RWDD1: variants seen among roughly 807,000 people sequenced by gnomAD.
The protein encoded by RWDD1 is RWD domain containing 1.
Under a neutral mutation model 31.6 loss-of-function variants are expected in RWDD1, and 17 were observed. The ratio of observed to expected loss-of-function variants is 0.54; its 90% CI spans 0.37 to 0.81. The LOEUF is 0.81. Ranked by LOEUF, RWDD1 falls within the 30% of genes least tolerant of loss-of-function variation. RWDD1 has a pLI of 0.00. For synonymous variants in RWDD1, 78 were observed against 94.2 expected (o/e 0.83, Z 0.99); for missense variants, 204 against 274.5 (o/e 0.74, Z 1.82).
chr6:116,592,871 C>T (rs1775169812), intron 6 of RWDD1, 109 bp from the exon 7 acceptor site: 1 of 1,209,422 alleles, frequency 8.3e-7, no homozygotes, highest in Middle Eastern at 2.8e-4. Flanking sequence ...ACTCCTACCT[C>T]ATATGCAGAT....
intron 1 of RWDD1, among the ~76,000 whole-genome samples, chr6:116,578,790 T>C (rs2115325982): frequency 6.6e-6 from 1 of 152,342 alleles, no homozygotes; most frequent in South Asian, 2.1e-4. Context: ...CTAACACTTT[T>C]CTAGTAATCA....
chr6:116,574,599 A>G (rs1351246971), intron 1 of RWDD1, among the ~76,000 whole-genome samples: 1 of 152,114 alleles, frequency 6.6e-6, no homozygotes, highest in Non-Finnish European at 1.5e-5. Context: ...TTTCACCACC[A>G]TCTGTCCCCT....
intron 4 of RWDD1, 50 bp downstream of exon 4, chr6:116,589,035 A>T: frequency 8.3e-7 from 1 of 1,198,404 alleles, no homozygotes; most frequent in Non-Finnish European, 1.0e-6. Context: ...ATCAGTTTTC[A>T]GTTGCTTGGT....
intron 2 of RWDD1, among the ~76,000 whole-genome samples, chr6:116,581,979 G>A (rs1357450816): frequency 6.6e-6 from 1 of 151,796 alleles, no homozygotes; most frequent in Non-Finnish European, 1.5e-5. Flanking sequence ...AGACTTGGAA[G>A]TATTCTCATG....
In RWDD1 at chr6:116,594,116, C is replaced by CT. The variant is rs1205097314; in HGVS notation, c.*1030dup. 3,919 of 137,038 alleles carry CT rather than the reference C, an allele frequency of 0.029. 65 individuals carry two copies. Among genetic ancestry groups the CT allele is most frequent in the Middle Eastern group, 0.11 (30 of 276 alleles). The allele number at this position is 137,038 out of a possible 1,614,324, so 8.5% of individuals were successfully genotyped here. A position where few individuals can be genotyped will look rare whatever the true frequency, so the allele number is the denominator to read the frequency against. ...AGAGAGTGAGGGTGGAAGTGCCAGG[C>CT]TTTTTTTTTTTTTTTAAACTAGCTT... On this transcript the variant is annotated 3_prime_UTR_variant, in exon 7 of 7. Coordinates refer to ENST00000466444, the MANE Select transcript of RWDD1 (RefSeq NM_015952.4).
chr6:116,592,058 C>G (rs1237401904), intron 6 of RWDD1, among the ~76,000 whole-genome samples: 1 of 152,230 alleles, frequency 6.6e-6, no homozygotes, highest in Non-Finnish European at 1.5e-5. Flanking sequence ...TCTATAGTCA[C>G]TCCCTATGAG....
At chr6:116,574,579 A>G (rs1256181013) in intron 1 of RWDD1, among the ~76,000 whole-genome samples, 1 of 152,082 alleles carries the variant, frequency 6.6e-6, no homozygotes, top group Non-Finnish European at 1.5e-5. Context: ...CAAATCTTTA[A>G]TTCTGTCACT....
At position 116,593,094 on chromosome 6, in the gene RWDD1, C is replaced by A; in HGVS notation, c.725C>A (p.Ala242Asp). 2 of 1,613,642 alleles carry A rather than the reference C, an allele frequency of 1.2e-6. No individual in the cohort carries two copies. Among genetic ancestry groups the A allele is most frequent in the Non-Finnish European group, 1.7e-6 (2 of 1,179,788 alleles). ...CCTGCTGACCCAGAGAGTGACTCAG[C>A]TGACTAATGGACTGTCCCCATCTGC... is the stretch of plus-strand genomic sequence containing the variant. ...YNPADPESDSAD is the reference protein window; with the variant it reads ...YNPADPESDSDD Residue 242 changes from alanine to aspartate, a missense_variant, in exon 7 of 7, where the codon GCT becomes GAT. Transcript: ENST00000466444.
chr6:116,591,032 A>G (rs762409387), intron 6 of RWDD1, 82 bp downstream of exon 6: 59 of 1,474,410 alleles, frequency 4.0e-5, no homozygotes, highest in Non-Finnish European at 5.0e-5. Flanking sequence ...AAGCCAAGGC[A>G]GGAGGATTGC....
chr6:116,592,953 T>G, intron 6 of RWDD1, 27 bp from the exon 7 acceptor site: 1 of 1,584,542 alleles, frequency 6.3e-7, no homozygotes, highest in Non-Finnish European at 8.6e-7. Flanking sequence ...AAGGAGATTT[T>G]TTTTTTTTTT....
chr6:116,571,727 G>T, intron 1 of RWDD1, 72 bp downstream of exon 1: 1 of 1,401,262 alleles, frequency 7.1e-7, no homozygotes. Context: ...CCGCAGCTCT[G>T]GGCCTCATAG....
rs1775202809 is a variant in RWDD1 at position 116,594,128 on chromosome 6, T to G, written c.*1027T>G. The stretch of plus-strand genomic sequence containing the variant: ...TGGAAGTGCCAGGCTTTTTTTTTTT[T>G]TTTAAACTAGCTTTGGTGGGAACTC... On this transcript the variant is annotated 3_prime_UTR_variant, in exon 7 of 7. Transcript: ENST00000466444. 6.6e-6 allele frequency: 1 copy of G among 151,438 alleles called. No individual in the cohort carries two copies. Among genetic ancestry groups the G allele is most frequent in the African/African-American group, 2.4e-5 (1 of 41,106 alleles). 9.4% of individuals were successfully genotyped at this position (151,438 alleles called of 1,614,324 possible).
At chr6:116,586,259 G>A (rs1326042568) in intron 3 of RWDD1, among the ~76,000 whole-genome samples, 2 of 151,810 alleles carry the variant, frequency 1.3e-5, no homozygotes, top group African/African-American at 4.8e-5. Context: ...AAATCATGAA[G>A]AAGAAGAAAA....
chr6:116,573,928 G>A, intron 1 of RWDD1: 1 of 814,856 alleles, frequency 1.2e-6, no homozygotes, highest in Non-Finnish European at 1.5e-6. Flanking sequence ...TATAGACCTA[G>A]GCACATAGAT....
Position 116,590,870 on chromosome 6 carries a change from C to CTTTT in RWDD1, c.548-6_548-3dup. On this transcript the variant is annotated splice_polypyrimidine_tract_variant and intron_variant, in intron 5 of 6. Coordinates refer to ENST00000466444, the MANE Select transcript of RWDD1 (RefSeq NM_015952.4). ...AACTATGCCATTTGAATTAAACATA[C>CTTTT]TTTTTTTTTTTTTTTAGGGAAACAA... 3.4e-6 allele frequency: 5 copies of CTTTT among 1,483,458 alleles called. No homozygotes were observed. Among genetic ancestry groups the CTTTT allele is most frequent in the Non-Finnish European group, 4.5e-6 (5 of 1,117,196 alleles). The allele number at this position is 1,483,458 out of a possible 1,614,324, so 91.9% of individuals were successfully genotyped here. A position where few individuals can be genotyped will look rare whatever the true frequency, so the allele number is the denominator to read the frequency against.
At chr6:116,573,726 G>T (rs1390673193) in intron 1 of RWDD1, among the ~76,000 whole-genome samples, 1 of 152,046 alleles carries the variant, frequency 6.6e-6, no homozygotes, top group Non-Finnish European at 1.5e-5. Context: ...GGTTGGCCAA[G>T]GAACACTAAA....
chr6:116,590,192 G>A (rs1775114308), intron 4 of RWDD1, 80 bp from the exon 5 acceptor site: 4 of 711,592 alleles, frequency 5.6e-6, no homozygotes, highest in African/African-American at 1.8e-5. Flanking sequence ...GGGTTATATT[G>A]ATATGTTTAA....
Position 116,590,352 on chromosome 6 carries a change from T to C in RWDD1, c.495T>C (p.Ile165=). 3 of 1,599,858 alleles carry C rather than the reference T, an allele frequency of 1.9e-6. No individual in the cohort carries two copies. Among genetic ancestry groups the C allele is most frequent in the Non-Finnish European group, 2.6e-6 (3 of 1,175,416 alleles). ...AGTTTGATGCAGAACTCTTGGAAAT[T>C]AAAAAGAAAAGGATGAAAGAAGAAG... ...KAKFDAELLE[I]KKKRMKEEEQ... is the part of the protein sequence containing the mutation. Residue 165 remains isoleucine (I), a synonymous_variant, in exon 5 of 7, where the codon ATT becomes ATC. Transcript: ENST00000466444.
chr6:116,584,680 TCTTTA>T (rs1406541350), intron 2 of RWDD1, 42 bp from the exon 3 acceptor site: 11 of 1,554,026 alleles, frequency 7.1e-6, no homozygotes, highest in Middle Eastern at 1.7e-4. Flanking sequence ...GATATCTACC[TCTTTA>T]CTTTTAAGGT....
Sources: gnomAD v4.1 joint callset for allele counts (sites outside exome capture counted in the v4.1 genomes callset) on GRCh38, gnomAD v4.1.1 for gene constraint, MANE v1.5 for transcripts, NCBI Gene and HGNC (gene_info 2026-07-23, HGNC 2026-07-21) for gene names.